The following TCF20 variants were observed in gnomAD, a reference collection of about 807,000 sequenced individuals.
TCF20 encodes transcription factor 20.
A neutral mutation model predicts 148.6 loss-of-function variants in TCF20; 3 were observed. That is an observed-to-expected ratio of 0.02 (90% CI 0.01 to 0.05). The LOEUF is 0.05. Ranked by LOEUF, TCF20 falls within the 10% of genes least tolerant of loss-of-function variation. The pLI, the probability that TCF20 is intolerant of heterozygous loss-of-function variation, is 1.00. For missense variants in TCF20, 2,350 were observed against 2,429.3 expected, an observed-to-expected ratio of 0.97 and a Z score of 0.69; for synonymous variants, 1,049 against 909.5, an observed-to-expected ratio of 1.15 and a Z score of -2.76.
chr22:42,335,708 G>A (rs1928054311), intron 1 of TCF20, among the ~76,000 whole-genome samples: 1 of 152,178 alleles, frequency 6.6e-6, no homozygotes, highest in African/African-American at 2.4e-5. Flanking sequence ...TGGGCTCTGG[G>A]ACCTCTAAGT....
chr22:42,273,635 T>TA (rs56275745), upstream of TCF20, among the ~76,000 whole-genome samples: 27,330 of 144,432 alleles, frequency 0.19, 2,658 homozygotes, highest in East Asian at 0.34. Flanking sequence ...GAAAGAACAG[T>TA]AAAAAAAAAA....
intron 1 of TCF20, among the ~76,000 whole-genome samples, chr22:42,315,159 C>T (rs1927606462): frequency 6.6e-6 from 1 of 152,058 alleles, no homozygotes; most frequent in Non-Finnish European, 1.5e-5. Context: ...AGAGATTTCC[C>T]CAGGGCAGTC....
intron 1 of TCF20, among the ~76,000 whole-genome samples, chr22:42,294,635 T>TG (rs1569203042): frequency 6.6e-6 from 1 of 152,188 alleles, no homozygotes; most frequent in African/African-American, 2.4e-5. Flanking sequence ...CGGCCACTGA[T>TG]GGAGGCCAGG....
chr22:42,167,966 A>G (rs1935893022), intron 5 of TCF20, among the ~76,000 whole-genome samples: 1 of 151,022 alleles, frequency 6.6e-6, no homozygotes, highest in Non-Finnish European at 1.5e-5. Context: ...GGCTTAGGCG[A>G]TCCTTCTGCC....
intron 2 of TCF20, among the ~76,000 whole-genome samples, chr22:42,198,627 A>G (rs1367879519): frequency 6.6e-6 from 1 of 152,056 alleles, no homozygotes; most frequent in Admixed American, 6.6e-5. Flanking sequence ...AAGAAGAAAA[A>G]AGTCTGTATA....
At chr22:42,244,237 A>C (rs1201807002) in intron 1 of TCF20, among the ~76,000 whole-genome samples, 1 of 152,218 alleles carries the variant, frequency 6.6e-6, no homozygotes, top group Non-Finnish European at 1.5e-5. Context: ...GTGGTTCTTC[A>C]AAAAGTTGAA....
rs1450225029 is a variant in TCF20, at chr22:42,212,185, C to G, written c.3121G>C (p.Glu1041Gln). The G allele has an allele frequency of 5.6e-6, 9 of 1,614,106 alleles. No individual in the cohort carries two copies. The highest frequency in any genetic ancestry group is 3.3e-5 in the Admixed American group (2 of 60,018). Residue 1041 changes from glutamate (E) to glutamine (Q), a missense_variant, in exon 2 of 6, where the codon GAG becomes CAG. Glu to Gln is a conservative substitution (Grantham distance 29, BLOSUM62 2). Around this residue, in one of 7 missense-constraint regions of TCF20, gnomAD observed 1,641 missense variants for 1,662.6 expected, o/e 0.99. Transcript: ENST00000677622. The part of the protein sequence containing the change: ...HHMNPHMTFS[E>Q]RANRSSLHTP... ...TGTAAAGAACTCCGGTTAGCCCTCT[C>G]TGAAAAGGTCATGTGTGGATTCATG...
rs960220302 is a variant in TCF20, at chr22:42,290,061, G to A, written c.-37+53418C>T. On this transcript the variant is annotated intron_variant, in intron 1 of 1. Coordinates refer to the TCF20 transcript ENST00000515426. This position sits in a 1 kb window ranked among gnomAD's most constrained non-coding sequence, Gnocchi z 4.2. ...AATTCTCCACAGCCGGCTCACTCCC[G>A]CCGCACGCATGCGCCCCCTGCACCG... is the stretch of plus-strand genomic sequence containing the variant. 2.6e-5 allele frequency among the ~76,000 whole-genome samples: 4 copies of A among 152,222 alleles called. No individual in the cohort carries two copies. The highest frequency in any genetic ancestry group is 4.4e-5 in the Non-Finnish European group (3 of 68,050).
At chr22:42,181,044 C>T (rs1936748145) in intron 2 of TCF20, among the ~76,000 whole-genome samples, 1 of 152,210 alleles carries the variant, frequency 6.6e-6, no homozygotes, top group Non-Finnish European at 1.5e-5. Context: ...AAACCAAGGA[C>T]AAGTTCACAG....
At chr22:42,219,692 TA>T (rs1922174630) in intron 1 of TCF20, among the ~76,000 whole-genome samples, 1 of 151,706 alleles carries the variant, frequency 6.6e-6, no homozygotes, top group Non-Finnish European at 1.5e-5. Context: ...CCTATCTTTA[TA>T]AAAAATACAA....
chr22:42,209,606 A>G (rs1920924358), intron 2 of TCF20, 45 bp downstream of exon 2: 2 of 1,538,162 alleles, frequency 1.3e-6, no homozygotes, highest in African/African-American at 1.4e-5. Flanking sequence ...AAAGGAACCA[A>G]ATGAAATAAA....
Position 42,174,720 on chromosome 22 carries a change from A to AT in TCF20, c.5750-4825dup, listed in dbSNP as rs200903962. ...ACAGTGAGACCCTGTCTCAAAAAAA[A>AT]TTTTTTTTTTTTTCACTTAAAAGCC... On this transcript the variant is annotated intron_variant, in intron 3 of 5. Coordinates refer to ENST00000677622, the MANE Select transcript of TCF20 (RefSeq NM_001378418.1). 5.7e-3 allele frequency among the ~76,000 whole-genome samples: 844 copies of AT among 147,268 alleles called. 7 individuals carry two copies. Among genetic ancestry groups the AT allele is most frequent in the African/African-American group, 0.015 (623 of 40,456 alleles).
intron 1 of TCF20, among the ~76,000 whole-genome samples, chr22:42,218,939 CCA>C (rs1339288321): frequency 1.3e-5 from 2 of 151,690 alleles, no homozygotes; most frequent in Non-Finnish European, 2.9e-5. Flanking sequence ...CTGCAGGGTT[CCA>C]GTCATGCTAA....
intron 1 of TCF20, among the ~76,000 whole-genome samples, chr22:42,330,919 C>A (rs1321112550): frequency 2.6e-5 from 4 of 152,236 alleles, no homozygotes; most frequent in Admixed American, 6.5e-5. Flanking sequence ...TAAGGCTCTG[C>A]CAAGTCCCCC....
intron 1 of TCF20, among the ~76,000 whole-genome samples, chr22:42,218,240 T>A (rs1273718537): frequency 6.6e-6 from 1 of 152,218 alleles, no homozygotes; most frequent in Non-Finnish European, 1.5e-5. Context: ...TTTTTAACAT[T>A]ACATTGCCCA....
chr22:42,234,164 A>C (rs966257159), intron 1 of TCF20, among the ~76,000 whole-genome samples: 2 of 152,212 alleles, frequency 1.3e-5, no homozygotes, highest in African/African-American at 4.8e-5. Flanking sequence ...TCCAAACAAA[A>C]ACACACTGTA....
intron 1 of TCF20, among the ~76,000 whole-genome samples, chr22:42,316,145 AG>A (rs1486114071): frequency 2.0e-5 from 3 of 149,698 alleles, no homozygotes; most frequent in Non-Finnish European, 4.5e-5. Context: ...TAAAGACAAG[AG>A]GCCACATCAA....
chr22:42,170,132 A>G (rs762611804), intron 3 of TCF20, among the ~76,000 whole-genome samples: 2 of 152,112 alleles, frequency 1.3e-5, no homozygotes, highest in Non-Finnish European at 2.9e-5. Context: ...CCATGAAACA[A>G]AACTGCTTGA....
At chr22:42,266,300 T>C (rs915115930) in intron 1 of TCF20, among the ~76,000 whole-genome samples, 2 of 152,178 alleles carry the variant, frequency 1.3e-5, no homozygotes, top group Non-Finnish European at 2.9e-5. Context: ...TGGGTGGATA[T>C]TGTAACACAA....
Sources: gnomAD v4.1 joint callset for allele counts (sites outside exome capture counted in the v4.1 genomes callset) on GRCh38, gnomAD v4.1.1 for gene constraint, gnomAD v4.1.1 regional missense constraint, Gnocchi (gnomAD v3.1) non-coding constraint, MANE v1.5 for transcripts, NCBI Gene and HGNC (gene_info 2026-07-23, HGNC 2026-07-21) for gene names.